Variants in FRYL observed in about 807,000 individuals in gnomAD.
FRYL encodes the protein protein furry homolog-like.
FRYL carries 150 observed loss-of-function variants against 351.2 expected under a neutral mutation model. The ratio of observed to expected loss-of-function variants is 0.43; its 90% CI spans 0.37 to 0.49. The LOEUF is 0.49. Among genes scored for constraint, FRYL ranks in the 20% least tolerant of loss-of-function variants. The probability of loss-of-function intolerance (pLI) is 0.00; values close to 1 mark genes in which losing one functional copy is unlikely to be tolerated. For synonymous variants in FRYL, 1,153 were observed against 1,257.1 expected (o/e 0.92, Z 1.75); for missense variants, 3,036 against 3,619.3 (o/e 0.84, Z 4.13).
chr4:48,644,692 C>A (rs1438081848), intron 3 of FRYL, among the ~76,000 whole-genome samples: 1 of 151,750 alleles, frequency 6.6e-6, no homozygotes, highest in African/African-American at 2.4e-5. Context: ...AACAAACAAA[C>A]AAACAAAAAC....
intron 2 of FRYL, among the ~76,000 whole-genome samples, chr4:48,707,826 C>CT (rs879274504): frequency 0.03 from 4,255 of 143,688 alleles, 116 homozygotes; most frequent in African/African-American, 0.078. Flanking sequence ...ATTTCTTTTT[C>CT]TTTTTTTTTT....
intron 51 of FRYL, 53 bp downstream of exon 51, chr4:48,528,122 C>T: frequency 6.4e-7 from 1 of 1,572,740 alleles, no homozygotes; most frequent in Non-Finnish European, 8.7e-7. Context: ...ATACCTATAA[C>T]AAAACTGATT....
intron 25 of FRYL, among the ~76,000 whole-genome samples, chr4:48,574,678 T>C (rs1334974430): frequency 6.6e-6 from 1 of 152,166 alleles, no homozygotes; most frequent in Non-Finnish European, 1.5e-5. Context: ...TTCATTAATA[T>C]AAAAAACATC....
At chr4:48,729,786 A>T (rs1770523196) in intron 1 of FRYL, among the ~76,000 whole-genome samples, 1 of 152,214 alleles carries the variant, frequency 6.6e-6, no homozygotes, top group Non-Finnish European at 1.5e-5. Flanking sequence ...GATGGAGAGA[A>T]GCCACAGCAG....
In FRYL at chr4:48,499,379, C is replaced by T. The variant is rs770353459; in HGVS notation, c.*43G>A. 2 of 1,583,840 alleles carry T rather than the reference C, an allele frequency of 1.3e-6. No individual in the cohort carries two copies. The highest frequency in any genetic ancestry group is 1.7e-6 in the Non-Finnish European group (2 of 1,155,120). On this transcript the variant is annotated 3_prime_UTR_variant, in exon 64 of 64. Coordinates refer to ENST00000358350, the MANE Select transcript of FRYL (RefSeq NM_015030.2). ...TAAAAGGTGCTTGGTTAATATTCTT[C>T]ATCATCTTCAGTTTAGTTTCTTTCC...
At chr4:48,575,313 G>T in intron 24 of FRYL, 72 bp from the exon 25 acceptor site, 1 of 1,472,008 alleles carries the variant, frequency 6.8e-7, no homozygotes, top group Admixed American at 1.8e-5. Flanking sequence ...TGAGATTTCA[G>T]TAGTCTTATG....
At chr4:48,726,453 G>A (rs1263617498) in intron 1 of FRYL, among the ~76,000 whole-genome samples, 7 of 152,090 alleles carry the variant, frequency 4.6e-5, no homozygotes, top group African/African-American at 1.2e-4. Flanking sequence ...AGGCCGAGGT[G>A]GGTGGATCAC....
chr4:48,726,225 A>G (rs1386606173), intron 1 of FRYL, among the ~76,000 whole-genome samples: 3 of 152,244 alleles, frequency 2.0e-5, no homozygotes, highest in Non-Finnish European at 4.4e-5. Context: ...CGAAGCAAGT[A>G]ATCAGAAAAA....
intron 3 of FRYL, among the ~76,000 whole-genome samples, chr4:48,673,279 C>T (rs1299005796): frequency 6.6e-6 from 1 of 152,180 alleles, no homozygotes; most frequent in African/African-American, 2.4e-5. Flanking sequence ...TTAATACACA[C>T]TAGAATTAAA....
chr4:48,555,119 T>C lies in FRYL; in HGVS notation c.4267-1736A>G, dbSNP rs186204524. On this transcript the variant is annotated intron_variant, in intron 35 of 63. Coordinates refer to ENST00000358350, the MANE Select transcript of FRYL (RefSeq NM_015030.2). ...TAAAAAATAATAACCAATAAATTATTATTGACATTTAAAAAATGGCTCCTT... is the reference window on the plus strand; with the variant it reads ...TAAAAAATAATAACCAATAAATTATCATTGACATTTAAAAAATGGCTCCTT... Among the ~76,000 whole-genome samples the C allele has an allele frequency of 2.6e-5, 4 of 152,336 alleles. No homozygotes were observed. The East Asian group carries it at 7.7e-4, about 29-fold the overall frequency.
At chr4:48,633,457 T>G (rs1238363128) in intron 4 of FRYL, among the ~76,000 whole-genome samples, 2 of 152,138 alleles carry the variant, frequency 1.3e-5, no homozygotes, top group Non-Finnish European at 2.9e-5. Context: ...CAAAAAGAAT[T>G]TCCAACTACC....
chr4:48,738,192 T>G (rs983185191), intron 1 of FRYL, among the ~76,000 whole-genome samples: 3 of 152,134 alleles, frequency 2.0e-5, no homozygotes, highest in African/African-American at 7.2e-5. Flanking sequence ...ACAGGATCAT[T>G]TATGTAGAAA....
chr4:48,598,850 T>A, intron 13 of FRYL: 1 of 985,090 alleles, frequency 1.0e-6, no homozygotes, highest in Non-Finnish European at 1.2e-6. Context: ...CTATTTGTTT[T>A]CTGATACTGT....
At chr4:48,501,974 A>G (rs1473143675) in intron 61 of FRYL, among the ~76,000 whole-genome samples, 1 of 152,218 alleles carries the variant, frequency 6.6e-6, no homozygotes, top group African/African-American at 2.4e-5. Context: ...CACATTCTAC[A>G]AATAGACTGT....
At chr4:48,527,737 C>T (rs1305997672) in intron 52 of FRYL, 84 bp from the exon 53 acceptor site, 25 of 1,321,164 alleles carry the variant, frequency 1.9e-5, no homozygotes, top group South Asian at 1.2e-4. Context: ...CCAAAGCCAC[C>T]GCAGGCCTCA....
chr4:48,632,330 AT>A, intron 4 of FRYL, among the ~76,000 whole-genome samples: 1 of 149,810 alleles, frequency 6.7e-6, no homozygotes, highest in Non-Finnish European at 1.5e-5. Context: ...TATGTTTGAC[AT>A]TTTCCATAAT....
At position 48,634,486 on chromosome 4, in the gene FRYL, T is replaced by C. The variant is rs551536585; in HGVS notation, c.-76A>G. The C allele has an allele frequency of 4.3e-4, 687 of 1,608,816 alleles. 4 individuals carry two copies. The highest frequency in any genetic ancestry group is 3.9e-3 in the South Asian group (356 of 90,504). On this transcript the variant is annotated 5_prime_UTR_variant, in exon 4 of 64. Transcript: ENST00000358350. ...ATTTATTTACTTTGCTGACTGGCGC[T>C]GAAGCTAAAAGTAAAAGAAACAAAA... is the stretch of plus-strand genomic sequence containing the variant.
At chr4:48,584,480 C>G (rs996745373) in intron 19 of FRYL, among the ~76,000 whole-genome samples, 1 of 152,170 alleles carries the variant, frequency 6.6e-6, no homozygotes, top group African/African-American at 2.4e-5. Flanking sequence ...GTTCCATCAG[C>G]ACATGAGAAA....
At chr4:48,750,523 C>G (rs1452813342) in intron 1 of FRYL, among the ~76,000 whole-genome samples, 1 of 152,004 alleles carries the variant, frequency 6.6e-6, no homozygotes, top group Non-Finnish European at 1.5e-5. Flanking sequence ...AGGCACTGTT[C>G]TATTGCAGTA....
Sources: gnomAD v4.1 joint callset for allele counts (sites outside exome capture counted in the v4.1 genomes callset) on GRCh38, gnomAD v4.1.1 for gene constraint, MANE v1.5 for transcripts, NCBI Gene and HGNC (gene_info 2026-07-23, HGNC 2026-07-21) for gene names.